Variants in ZSCAN29 observed in about 807,000 individuals in gnomAD.
ZSCAN29 encodes the protein zinc finger and SCAN domain containing 29.
A neutral mutation model predicts 71.9 loss-of-function variants in ZSCAN29; 55 were observed. That is an observed-to-expected ratio of 0.76 (90% CI 0.62 to 0.96). The LOEUF (loss-of-function observed/expected upper bound fraction) is 0.96, where lower values mean the gene tolerates loss of function less well. ZSCAN29 is among the 40% of genes least tolerant of loss of function. ZSCAN29 has a pLI of 0.00. For synonymous variants in ZSCAN29, 351 were observed against 371.6 expected, an observed-to-expected ratio of 0.94 and a Z score of 0.64; for missense variants, 1,042 against 1,042.2, an observed-to-expected ratio of 1.00 and a Z score of 0.00.
At position 43,361,181 on chromosome 15, in the gene ZSCAN29, G is replaced by A; in HGVS notation, c.2451C>T (p.Pro817=). ...ACTTACCACAGTCATGACACCCATA[G>A]GGTTTCTCTCCTGTGTGGGTTCTAT... ...AHHRTHTGEK[P]YGCHDCGKCF... is the part of the protein sequence containing the mutation. Residue 817 remains proline (P), a synonymous_variant, in exon 6 of 6, where the codon CCC becomes CCT. Coordinates refer to ENST00000684362, the MANE Select transcript of ZSCAN29 (RefSeq NM_001372080.1). 2 of 1,614,182 alleles carry A rather than the reference G, an allele frequency of 1.2e-6. No individual in the cohort carries two copies. The highest frequency in any genetic ancestry group is 1.7e-6 in the Non-Finnish European group (2 of 1,180,026).
chr15:43,363,744 A>T, intron 5 of ZSCAN29, 171 bp downstream of exon 5: 1 of 587,346 alleles, frequency 1.7e-6, no homozygotes, highest in Non-Finnish European at 2.9e-6. Flanking sequence ...AAGTCACATA[A>T]ATAATTTATA....
intron 4 of ZSCAN29, among the ~76,000 whole-genome samples, chr15:43,364,888 G>GTC (rs2044020081): frequency 9.5e-6 from 1 of 104,806 alleles, no homozygotes; most frequent in Non-Finnish European, 1.8e-5. Flanking sequence ...AAGCGACTCT[G>GTC]TCTCAAAAAA....
chr15:43,361,066 CAG>C lies in ZSCAN29; in HGVS notation c.*5_*6del. 1.9e-6 allele frequency: 3 copies of C among 1,583,828 alleles called. No individual in the cohort carries two copies. Among genetic ancestry groups the C allele is most frequent in the Non-Finnish European group, 2.6e-6 (3 of 1,163,038 alleles). Reference sequence around the variant, plus strand: ...TGAGCCTCTTTCCGTTATATATCCTCAGGGGCTTACTTGGGAGCTGACTGTGT... The same window carrying C: ...TGAGCCTCTTTCCGTTATATATCCTCGGGCTTACTTGGGAGCTGACTGTGT... On this transcript the variant is annotated 3_prime_UTR_variant, in exon 6 of 6. Coordinates refer to ENST00000684362, the MANE Select transcript of ZSCAN29 (RefSeq NM_001372080.1).
At chr15:43,363,883 T>C in intron 5 of ZSCAN29, 32 bp downstream of exon 5, 1 of 1,534,288 alleles carries the variant, frequency 6.5e-7, no homozygotes, top group Non-Finnish European at 8.8e-7. Context: ...CTTCCCTTTG[T>C]TATTTATACC....
At chr15:43,366,833 G>A in intron 3 of ZSCAN29, 25 bp from the exon 4 acceptor site, 1 of 1,584,330 alleles carries the variant, frequency 6.3e-7, no homozygotes, top group South Asian at 1.2e-5. Flanking sequence ...ACAAACAAAA[G>A]TTGTCATAGT....
At chr15:43,370,128 G>T (rs2044087380) in intron 1 of ZSCAN29, 103 bp from the exon 2 acceptor site, 1 of 551,004 alleles carries the variant, frequency 1.8e-6, no homozygotes, top group Non-Finnish European at 3.1e-6. Context: ...GGCCTTCTAA[G>T]GTAGCACAAT....
intron 4 of ZSCAN29, among the ~76,000 whole-genome samples, chr15:43,365,192 T>A (rs758062259): frequency 5.9e-5 from 9 of 152,116 alleles, no homozygotes; most frequent in South Asian, 2.1e-4. Flanking sequence ...ATTTTACACT[T>A]GAGGAAATGG....
Position 43,364,335 on chromosome 15 carries a change from T to A in ZSCAN29, c.1270A>T (p.Ser424Cys). Reference protein sequence around the residue: ...EETKTYLAILSETQFYEALRN... With the variant: ...EETKTYLAILCETQFYEALRN... The stretch of plus-strand genomic sequence containing the variant: ...AGGGCTTCATAAAACTGGGTCTCAC[T>A]AAGAATTGCAAGGTAAGTCTTGGTC... The change falls in exon 5 of 6, where the codon AGT (serine) becomes TGT (cysteine). Residue 424 changes from serine (S) to cysteine (C), a missense_variant. Physicochemically the swap from Ser to Cys is moderately radical, Grantham distance 112 (BLOSUM62 -1). Transcript: ENST00000684362. The A allele has an allele frequency of 6.2e-7, 1 of 1,614,198 alleles. No homozygotes were observed. The highest frequency in any genetic ancestry group is 8.5e-7 in the Non-Finnish European group (1 of 1,180,046).
chr15:43,368,850 CCACT>C, intron 3 of ZSCAN29, 69 bp downstream of exon 3: 1 of 1,364,088 alleles, frequency 7.3e-7, no homozygotes, highest in Non-Finnish European at 9.9e-7. Context: ...AATCCCTTTC[CCACT>C]CACTATTCCC....
At chr15:43,363,336 C>T (rs755362947) in intron 5 of ZSCAN29, among the ~76,000 whole-genome samples, 5 of 152,172 alleles carry the variant, frequency 3.3e-5, no homozygotes, top group Non-Finnish European at 7.3e-5. Context: ...GATTCACATA[C>T]GTACACATAT....
rs749898667 is a variant in ZSCAN29, at chr15:43,366,819, G to A, written c.524-11C>T. 20 of 1,594,732 alleles carry A rather than the reference G, an allele frequency of 1.3e-5. No individual in the cohort carries two copies. Among genetic ancestry groups the A allele is most frequent in the Non-Finnish European group, 1.6e-5 (19 of 1,172,750 alleles). ...TAGGAAATGGCAATCCTGCTTGCAGGGAAACAAACAAAAGTTGTCATAGTT... is the reference window on the plus strand; with the variant it reads ...TAGGAAATGGCAATCCTGCTTGCAGAGAAACAAACAAAAGTTGTCATAGTT... On this transcript the variant is annotated splice_polypyrimidine_tract_variant and intron_variant, in intron 3 of 5. Coordinates refer to ENST00000684362, the MANE Select transcript of ZSCAN29 (RefSeq NM_001372080.1).
chr15:43,362,022 G>A, intron 5 of ZSCAN29, 81 bp from the exon 6 acceptor site: 6 of 1,406,126 alleles, frequency 4.3e-6, no homozygotes, highest in Non-Finnish European at 5.7e-6. Flanking sequence ...GGAAAAACAA[G>A]CATTACACCA....
chr15:43,361,832 A>G lies in ZSCAN29; in HGVS notation c.1800T>C (p.Tyr600=), dbSNP rs1267262823. 6.2e-7 allele frequency: 1 copy of G among 1,614,082 alleles called. No individual in the cohort carries two copies. Among genetic ancestry groups the G allele is most frequent in the African/African-American group, 1.3e-5 (1 of 74,928 alleles). ...LARSERKIPR[Y]LHQGKGNESD... is the part of the protein sequence containing the mutation. ...TCTCATTGCCTTTACCCTGATGAAG[A>G]TACCGGGGAATTTTCCTTTCAGATC... Residue 600 remains tyrosine, a synonymous_variant, in exon 6 of 6, where the codon TAT becomes TAC. Transcript: ENST00000684362.
rs1464693922 is a variant in ZSCAN29, at chr15:43,361,824, T to C, written c.1808A>G (p.Gln603Arg). The change falls in exon 6 of 6, where the codon CAG (glutamine) becomes CGG (arginine). Residue 603 changes from glutamine to arginine, a missense_variant. By Grantham distance (43) the Gln-to-Arg change is conservative (BLOSUM62 1). Transcript: ENST00000684362. ...SERKIPRYLH[Q>R]GKGNESDCRS... Reference sequence around the variant, plus strand: ...ACAGTCACTCTCATTGCCTTTACCCTGATGAAGATACCGGGGAATTTTCCT... The same window carrying C: ...ACAGTCACTCTCATTGCCTTTACCCCGATGAAGATACCGGGGAATTTTCCT... 1 of 1,614,236 alleles carries C rather than the reference T, an allele frequency of 6.2e-7. No homozygotes were observed.
chr15:43,358,636 A>G lies in ZSCAN29; in HGVS notation c.*2437T>C, dbSNP rs2043954593. ...TATTCCAGCCACAGAATTCTAATTGAATGTGAAACGGCTACTTATCCCAGT... is the reference window on the plus strand; with the variant it reads ...TATTCCAGCCACAGAATTCTAATTGGATGTGAAACGGCTACTTATCCCAGT... On this transcript the variant is annotated 3_prime_UTR_variant, in exon 6 of 6. Coordinates refer to ENST00000684362, the MANE Select transcript of ZSCAN29 (RefSeq NM_001372080.1). 1 of 152,260 alleles carries G rather than the reference A, an allele frequency of 6.6e-6. No homozygotes were observed. The highest frequency in any genetic ancestry group is 1.5e-5 in the Non-Finnish European group (1 of 68,058). The allele number at this position is 152,260 out of a possible 1,614,324, so 9.4% of individuals were successfully genotyped here. A position where few individuals can be genotyped will look rare whatever the true frequency, so the allele number is the denominator to read the frequency against.
intron 4 of ZSCAN29, 175 bp from the exon 5 acceptor site, chr15:43,364,557 T>C: frequency 2.8e-6 from 2 of 716,040 alleles, no homozygotes; most frequent in Non-Finnish European, 5.0e-6. Context: ...TTTTGCTTCT[T>C]TATATCCTTT....
At chr15:43,369,329 T>C (rs1026811786) in intron 2 of ZSCAN29, 1 of 603,584 alleles carries the variant, frequency 1.7e-6, no homozygotes, top group East Asian at 3.0e-5. Flanking sequence ...ACGATCAAAA[T>C]AGTAAACCCA....
chr15:43,361,045 C>T lies in ZSCAN29; in HGVS notation c.*28G>A. On this transcript the variant is annotated 3_prime_UTR_variant, in exon 6 of 6. Coordinates refer to ENST00000684362, the MANE Select transcript of ZSCAN29 (RefSeq NM_001372080.1). ...CTTTCTAAACAATACATTTATTGAG[C>T]CTCTTTCCGTTATATATCCTCAGGG... 6.5e-7 allele frequency: 1 copy of T among 1,544,022 alleles called. No homozygotes were observed. The highest frequency in any genetic ancestry group is 2.0e-4 in the Middle Eastern group (1 of 4,904).
chr15:43,361,684 G>A lies in ZSCAN29; in HGVS notation c.1948C>T (p.Pro650Ser), dbSNP rs749981326. 1 of 1,614,144 alleles carries A rather than the reference G, an allele frequency of 6.2e-7. No individual in the cohort carries two copies. The highest frequency in any genetic ancestry group is 2.2e-5 in the East Asian group (1 of 44,884). ...SQQRPCLGERPYKYLKYSKSF... is the reference protein window; with the variant it reads ...SQQRPCLGERSYKYLKYSKSF... ...TTGCTGTATTTGAGATATTTATAGG[G>A]TCTCTCTCCCAAGCAAGGTCTCTGT... The change falls in exon 6 of 6, where the codon CCC becomes TCC. Residue 650 changes from proline to serine, a missense_variant. Coordinates refer to ENST00000684362, the MANE Select transcript of ZSCAN29 (RefSeq NM_001372080.1).
Sources: gnomAD v4.1 joint callset for allele counts (sites outside exome capture counted in the v4.1 genomes callset) on GRCh38, gnomAD v4.1.1 for gene constraint, MANE v1.5 for transcripts, NCBI Gene and HGNC (gene_info 2026-07-23, HGNC 2026-07-21) for gene names.